Variants in PDZRN3 observed in about 807,000 individuals in gnomAD.
PDZRN3 encodes the protein PDZ domain containing ring finger 3.
In PDZRN3, 38 loss-of-function variants were observed where a neutral mutation model predicts 85.7. That is an observed-to-expected ratio of 0.44 (90% CI 0.34 to 0.58). PDZRN3 has a LOEUF of 0.58. PDZRN3 is among the 20% of genes least tolerant of loss of function. The pLI, the probability that PDZRN3 is intolerant of heterozygous loss-of-function variation, is 0.01. For synonymous variants in PDZRN3, 759 were observed against 638.0 expected, an observed-to-expected ratio of 1.19 and a Z score of -2.86; for missense variants, 1,629 against 1,506.4, an observed-to-expected ratio of 1.08 and a Z score of -1.35.
chr3:73,384,448 G>C lies in PDZRN3; in HGVS notation c.2118C>G (p.His706Gln). 1 of 1,612,268 alleles carries C rather than the reference G, an allele frequency of 6.2e-7. No homozygotes were observed. The highest frequency in any genetic ancestry group is 1.3e-5 in the African/African-American group (1 of 75,066). ...ACTGCTCCTTGAGCTGCTGCATCTT[G>C]TGGGCGCGCACGATGCTCAGGCACT... Reference protein sequence around the residue: ...ELECLSIVRAHKMQQLKEQYR... With the variant: ...ELECLSIVRAQKMQQLKEQYR... The change falls in exon 10 of 10, where the codon CAC becomes CAG. Residue 706 changes from histidine (H) to glutamine (Q), a missense_variant. By Grantham distance (24) the His-to-Gln change is conservative. Coordinates refer to ENST00000263666, the MANE Select transcript of PDZRN3 (RefSeq NM_015009.3).
At chr3:73,448,909 C>G (rs759889718) in intron 3 of PDZRN3, among the ~76,000 whole-genome samples, 1 of 152,196 alleles carries the variant, frequency 6.6e-6, no homozygotes, top group Non-Finnish European at 1.5e-5. Flanking sequence ...ATGACTACCA[C>G]AACCCAGTTT....
chr3:73,603,264 T>C (rs4340644), intron 2 of PDZRN3, among the ~76,000 whole-genome samples: 74,420 of 152,068 alleles, frequency 0.49, 19,733 homozygotes, highest in East Asian at 0.66. Context: ...TTCTGATCTC[T>C]GACCTCCTTG....
chr3:73,411,843 T>C (rs1701977412), intron 3 of PDZRN3, among the ~76,000 whole-genome samples: 1 of 152,242 alleles, frequency 6.6e-6, no homozygotes, highest in Non-Finnish European at 1.5e-5. Context: ...CTGGAGCTTT[T>C]GACACTTTAA....
intron 5 of PDZRN3, 23 bp from the exon 6 acceptor site, chr3:73,391,139 A>C: frequency 6.9e-7 from 1 of 1,444,352 alleles, no homozygotes; most frequent in Non-Finnish European, 9.7e-7. Flanking sequence ...AGGCATTCCC[A>C]GTGAGACTCC....
At chr3:73,409,363 G>A (rs1035779364) in intron 3 of PDZRN3, among the ~76,000 whole-genome samples, 2 of 152,162 alleles carry the variant, frequency 1.3e-5, no homozygotes, top group African/African-American at 2.4e-5. Context: ...GTCTTTTCCA[G>A]TTGGTCCTGA....
At chr3:73,559,989 T>C (rs540301124) in intron 3 of PDZRN3, among the ~76,000 whole-genome samples, 1 of 152,362 alleles carries the variant, frequency 6.6e-6, no homozygotes, top group African/African-American at 2.4e-5. Context: ...AGCTCTGCCA[T>C]GCCCACTGTC....
intron 3 of PDZRN3, among the ~76,000 whole-genome samples, chr3:73,563,837 G>A (rs1701888590): frequency 6.6e-6 from 1 of 152,204 alleles, no homozygotes; most frequent in East Asian, 1.9e-4. Flanking sequence ...GGCCCAGAGG[G>A]GGAAAACAAT....
At chr3:73,409,909 A>G (rs773407997) in intron 3 of PDZRN3, among the ~76,000 whole-genome samples, 15 of 152,226 alleles carry the variant, frequency 9.9e-5, no homozygotes, top group Admixed American at 2.0e-4. Flanking sequence ...GAGGTTCAGC[A>G]TATCACAGTC....
intron 1 of PDZRN3, among the ~76,000 whole-genome samples, chr3:73,612,739 T>C (rs898939943): frequency 6.6e-6 from 1 of 152,180 alleles, no homozygotes; most frequent in South Asian, 2.1e-4. Context: ...GAATCTCAGA[T>C]TGGCGCAACA....
intron 3 of PDZRN3, among the ~76,000 whole-genome samples, chr3:73,486,118 G>A (rs1339216885): frequency 2.6e-5 from 4 of 152,208 alleles, no homozygotes; most frequent in South Asian, 2.1e-4. Flanking sequence ...GAAAGAGCAC[G>A]CTGCAAGAAG....
rs550423149 is a variant in PDZRN3, at chr3:73,540,744, C to T, written c.918+61610G>A. On this transcript the variant is annotated intron_variant, in intron 3 of 9. Coordinates refer to ENST00000263666, the MANE Select transcript of PDZRN3 (RefSeq NM_015009.3). ...AGAACTGAGTCAATTAAACCTCTTTCCTTCATGTATTATCCATTCTTGGGC... is the reference window on the plus strand; with the variant it reads ...AGAACTGAGTCAATTAAACCTCTTTTCTTCATGTATTATCCATTCTTGGGC... Among the ~76,000 whole-genome samples the T allele has an allele frequency of 4.6e-5, 7 of 152,290 alleles. No individual in the cohort carries two copies. In the South Asian group the frequency reaches 1.0e-3, roughly 23 times the overall value.
At chr3:73,552,046 T>C (rs1701573037) in intron 3 of PDZRN3, among the ~76,000 whole-genome samples, 1 of 152,168 alleles carries the variant, frequency 6.6e-6, no homozygotes, top group African/African-American at 2.4e-5. Context: ...TTTCCTTCTT[T>C]GTGGACAGTC....
chr3:73,415,888 CCTT>C (rs1702071131), intron 3 of PDZRN3, among the ~76,000 whole-genome samples: 1 of 151,522 alleles, frequency 6.6e-6, no homozygotes, highest in African/African-American at 2.4e-5. Context: ...GTTATAGTTA[CCTT>C]TTTTCATTTT....
At chr3:73,504,560 T>TC (rs1459752155) in intron 3 of PDZRN3, among the ~76,000 whole-genome samples, 3 of 152,204 alleles carry the variant, frequency 2.0e-5, no homozygotes, top group African/African-American at 7.2e-5. Context: ...ATCTGAACAC[T>TC]CTTTCTTGGA....
intron 3 of PDZRN3, among the ~76,000 whole-genome samples, chr3:73,438,916 G>A (rs1203931121): frequency 6.6e-6 from 1 of 152,080 alleles, no homozygotes; most frequent in Non-Finnish European, 1.5e-5. Context: ...TGAATGAACT[G>A]GGTCAGGTTC....
intron 3 of PDZRN3, among the ~76,000 whole-genome samples, chr3:73,428,135 G>A (rs1702354868): frequency 6.6e-6 from 1 of 152,140 alleles, no homozygotes; most frequent in East Asian, 1.9e-4. Flanking sequence ...TATGGGAGAG[G>A]TCAGAAGAGG....
chr3:73,417,632 A>AC (rs1199475695), intron 3 of PDZRN3, among the ~76,000 whole-genome samples: 1 of 152,202 alleles, frequency 6.6e-6, no homozygotes, highest in African/African-American at 2.4e-5. Flanking sequence ...TGACTAAGTT[A>AC]TAAGAGAAAA....
rs1702702402 is a variant in PDZRN3, at chr3:73,444,174, T to C, written c.919-39779A>G. On this transcript the variant is annotated intron_variant, in intron 3 of 9. Coordinates refer to ENST00000263666, the MANE Select transcript of PDZRN3 (RefSeq NM_015009.3). ...ATGCTTTTATTGGACCCATTAGCCC[T>C]ACCTGGAATACCTTCCACACATACA... is the stretch of plus-strand genomic sequence containing the variant. Among the ~76,000 whole-genome samples, 7 of 152,176 alleles carry C rather than the reference T, an allele frequency of 4.6e-5. No homozygotes were observed. The South Asian group carries it at 1.4e-3, about 32-fold the overall frequency.
At position 73,602,466 on chromosome 3, in the gene PDZRN3, G is replaced by A. The variant is rs1313478693; in HGVS notation, c.811-5C>T. The A allele has an allele frequency of 5.2e-6, 7 of 1,354,444 alleles. No homozygotes were observed. The South Asian group carries it at 7.3e-5, about 14-fold the overall frequency. 83.9% of individuals were successfully genotyped at this position (1,354,444 alleles called of 1,614,324 possible). A position where few individuals can be genotyped will look rare whatever the true frequency, so the allele number is the denominator to read the frequency against. The stretch of plus-strand genomic sequence containing the variant: ...GGATGATCCATCGTGGTTATCCTTT[G>A]GGTTAAAAAAAAAAACATGCATGAA... On this transcript the variant is annotated splice_polypyrimidine_tract_variant and splice_region_variant and intron_variant, in intron 2 of 9. Transcript: ENST00000263666.
Sources: allele counts gnomAD v4.1 joint callset (sites outside exome capture counted in the v4.1 genomes callset), GRCh38; gene constraint gnomAD v4.1.1; transcripts MANE v1.5; gene names NCBI Gene and HGNC (gene_info 2026-07-23, HGNC 2026-07-21).